Variants in TIGD3 observed in about 807,000 individuals in gnomAD.
The protein encoded by TIGD3 is tigger transposable element derived 3.
A neutral mutation model predicts 14.8 loss-of-function variants in TIGD3; 7 were observed. That is an observed-to-expected ratio of 0.47 (90% confidence interval 0.27 to 0.89). The LOEUF is 0.89. Among genes scored for constraint, TIGD3 ranks in the 40% least tolerant of loss-of-function variants. The probability of loss-of-function intolerance (pLI) is 0.13; values close to 1 mark genes in which losing one functional copy is unlikely to be tolerated. For missense variants in TIGD3, 581 were observed against 611.0 expected (o/e 0.95, Z 0.52); for synonymous variants, 243 against 269.4 (o/e 0.90, Z 0.96).
rs748478122 is a variant in TIGD3 at position 65,356,059 on chromosome 11, T to C, written c.251T>C (p.Leu84Pro). ...TACAGCGGGATCGACGAGGCTCTGC[T>C]CTGCTGGTACCACATTGCCCGGGCC... The part of the protein sequence containing the change: ...SKYSGIDEAL[L>P]CWYHIARAKA... The change falls in exon 2 of 2, where the codon CTC (leucine) becomes CCC (proline). Residue 84 changes from leucine (L) to proline (P), a missense_variant. Coordinates refer to ENST00000309880, the MANE Select transcript of TIGD3 (RefSeq NM_145719.3). This position sits in a 1 kb window ranked among gnomAD's most constrained non-coding sequence, Gnocchi z 5.2. 6.2e-7 allele frequency: 1 copy of C among 1,612,432 alleles called. No individual in the cohort carries two copies. Among genetic ancestry groups the C allele is most frequent in the Non-Finnish European group, 8.5e-7 (1 of 1,180,010 alleles).
chr11:65,355,879 T>C lies in TIGD3; in HGVS notation c.71T>C (p.Leu24Pro). The change falls in exon 2 of 2, where the codon CTG (leucine) becomes CCG (proline). Residue 24 changes from leucine to proline, a missense_variant. Transcript: ENST00000309880. ...LAEKIQVLEL[L>P]DESKMSQSEV... The stretch of plus-strand genomic sequence containing the variant: ...GAGAAGATCCAGGTGCTGGAACTCC[T>C]GGATGAGTCCAAGATGTCCCAGTCG... The C allele has an allele frequency of 6.2e-7, 1 of 1,613,938 alleles. No individual in the cohort carries two copies. The highest frequency in any genetic ancestry group is 8.5e-7 in the Non-Finnish European group (1 of 1,180,022).
Position 65,356,067 on chromosome 11 carries a change from TACC to T in TIGD3, c.262_264del (p.His88del). 6.2e-7 allele frequency: 1 copy of T among 1,612,264 alleles called. No individual in the cohort carries two copies. Among genetic ancestry groups the T allele is most frequent in the South Asian group, 1.1e-5 (1 of 91,082 alleles). On this transcript the variant is annotated inframe_deletion, in exon 2 of 2. Transcript: ENST00000309880. This position sits in a 1 kb window ranked among gnomAD's most constrained non-coding sequence, Gnocchi z 5.2. Reference sequence around the variant, plus strand: ...GATCGACGAGGCTCTGCTCTGCTGGTACCACATTGCCCGGGCCAAGGCCTGGGA... The same window carrying T: ...GATCGACGAGGCTCTGCTCTGCTGGTACATTGCCCGGGCCAAGGCCTGGGA...
rs1243540590 is a variant in TIGD3, at chr11:65,356,025, G to A, written c.217G>A (p.Glu73Lys). 8 of 1,613,530 alleles carry A rather than the reference G, an allele frequency of 5.0e-6. No individual in the cohort carries two copies. The highest frequency in any genetic ancestry group is 5.9e-6 in the Non-Finnish European group (7 of 1,180,042). Residue 73 changes from glutamate to lysine, a missense_variant, in exon 2 of 2, where the codon GAG (glutamate) becomes AAG (lysine). Coordinates refer to ENST00000309880, the MANE Select transcript of TIGD3 (RefSeq NM_145719.3). This position sits in a 1 kb window ranked among gnomAD's most constrained non-coding sequence, Gnocchi z 5.2. ...CAACCGAGAGCGCAAGCGCAAGCGG[G>A]AGTCCAAGTACAGCGGGATCGACGA... is the stretch of plus-strand genomic sequence containing the variant. ...TANRERKRKR[E>K]SKYSGIDEAL...
Position 65,356,798 on chromosome 11 carries a change from G to T in TIGD3, c.990G>T (p.Glu330Asp). The T allele has an allele frequency of 6.2e-7, 1 of 1,612,860 alleles. No homozygotes were observed. The highest frequency in any genetic ancestry group is 8.5e-7 in the Non-Finnish European group (1 of 1,179,848). Residue 330 changes from glutamate (E) to aspartate (D), a missense_variant, in exon 2 of 2, where the codon GAG becomes GAT. Physicochemically the swap from Glu to Asp is conservative, Grantham distance 45. Coordinates refer to ENST00000309880, the MANE Select transcript of TIGD3 (RefSeq NM_145719.3). The surrounding 1 kb of genome is among the most constrained non-coding windows in gnomAD (Gnocchi z 5.2). ...AGAGGGATGGCACCTCGCTGGCCGA[G>T]GCCGGGGCAGGCATCACCGTGCTGG... is the stretch of plus-strand genomic sequence containing the variant. The part of the protein sequence containing the change: ...QSERDGTSLA[E>D]AGAGITVLDA...
rs776179323 is a variant in TIGD3, at chr11:65,355,870, T to C, written c.62T>C (p.Leu21Pro). 13 of 1,613,784 alleles carry C rather than the reference T, an allele frequency of 8.1e-6. No homozygotes were observed. Among genetic ancestry groups the C allele is most frequent in the Non-Finnish European group, 9.3e-6 (11 of 1,180,034 alleles). Residue 21 changes from leucine (L) to proline (P), a missense_variant, in exon 2 of 2, where the codon CTG becomes CCG. Transcript: ENST00000309880. ...ALSLAEKIQV[L>P]ELLDESKMSQ... ...TCCCTGGCCGAGAAGATCCAGGTGC[T>C]GGAACTCCTGGATGAGTCCAAGATG...
Position 65,357,080 on chromosome 11 carries a change from CT to C in TIGD3, c.1275del (p.Phe425LeufsTer17), listed in dbSNP as rs767807225. The C allele has an allele frequency of 6.2e-7, 1 of 1,613,678 alleles. No homozygotes were observed. ...EDEKGDREGAFEPLPTKADAL... is the reference protein window; with the variant it reads ...EDEKGDREGAXEPLPTKADAL... ...ACGAGAAGGGGGACAGAGAGGGTGC[CT>C]TTGAGCCCCTGCCCACCAAAGCTGA... On this transcript the variant is annotated frameshift_variant, in exon 2 of 2. Transcript: ENST00000309880. LOFTEE classifies it high-confidence loss of function.
In TIGD3 at chr11:65,355,822, G is replaced by A. The variant is rs1430459570; in HGVS notation, c.14G>A (p.Ser5Asn). The A allele has an allele frequency of 1.9e-6, 3 of 1,612,112 alleles. No individual in the cohort carries two copies. The highest frequency in any genetic ancestry group is 2.5e-6 in the Non-Finnish European group (3 of 1,179,092). MELS[S>N]KKKLHALSLA... ...CCCGGAGAGGCCATGGAGCTGAGCA[G>A]CAAGAAGAAGCTTCACGCCCTGTCC... is the stretch of plus-strand genomic sequence containing the variant. Residue 5 changes from serine to asparagine, a missense_variant, in exon 2 of 2, where the codon AGC becomes AAC. By Grantham distance (46) the Ser-to-Asn change is conservative. Coordinates refer to ENST00000309880, the MANE Select transcript of TIGD3 (RefSeq NM_145719.3).
Position 65,357,430 on chromosome 11 carries a change from G to C in TIGD3, c.*206G>C. On this transcript the variant is annotated 3_prime_UTR_variant, in exon 2 of 2. Coordinates refer to ENST00000309880, the MANE Select transcript of TIGD3 (RefSeq NM_145719.3). ...AGAGAGCTCTAAAGATGGGGCTTCGGGGGTAGGAATCCAGGATGCTTAGTT... is the reference window on the plus strand; with the variant it reads ...AGAGAGCTCTAAAGATGGGGCTTCGCGGGTAGGAATCCAGGATGCTTAGTT... 1 of 574,730 alleles carries C rather than the reference G, an allele frequency of 1.7e-6. No individual in the cohort carries two copies. Among genetic ancestry groups the C allele is most frequent in the South Asian group, 2.1e-5 (1 of 46,882 alleles). The allele number at this position is 574,730 out of a possible 1,614,324, so 35.6% of individuals were successfully genotyped here.
chr11:65,355,764 T>A (rs1266944226), intron 1 of TIGD3, 29 bp from the exon 2 acceptor site: 1 of 1,555,524 alleles, frequency 6.4e-7, no homozygotes, highest in East Asian at 2.3e-5. Flanking sequence ...CAGATTACTC[T>A]ACCCGCTCAA....
rs977305800 is a variant in TIGD3, at chr11:65,357,278, G to A, written c.*54G>A. ...TTCCTCTCTTGTTTCCCATGGAAAC[G>A]GCCTCTTCAGAAGGCAGATCGGGCT... On this transcript the variant is annotated 3_prime_UTR_variant, in exon 2 of 2. Coordinates refer to ENST00000309880, the MANE Select transcript of TIGD3 (RefSeq NM_145719.3). 9 of 1,528,564 alleles carry A rather than the reference G, an allele frequency of 5.9e-6. No individual in the cohort carries two copies. Among genetic ancestry groups the A allele is most frequent in the East Asian group, 2.3e-5 (1 of 43,818 alleles). 94.7% of individuals were successfully genotyped at this position (1,528,564 alleles called of 1,614,324 possible).
At position 65,357,124 on chromosome 11, in the gene TIGD3, G is replaced by A. The variant is rs1413690412; in HGVS notation, c.1316G>A (p.Gly439Asp). 2 of 1,614,124 alleles carry A rather than the reference G, an allele frequency of 1.2e-6. No homozygotes were observed. Among genetic ancestry groups the A allele is most frequent in the East Asian group, 2.2e-5 (1 of 44,888 alleles). The change falls in exon 2 of 2, where the codon GGC becomes GAC. Residue 439 changes from glycine to aspartate, a missense_variant. Gly to Asp is a moderately conservative substitution (Grantham distance 94). Coordinates refer to ENST00000309880, the MANE Select transcript of TIGD3 (RefSeq NM_145719.3). ...AAAGCTGATGCCCTCCGGGCCCTGGGCACCTTGAGGAGGTGGTTTGAATGC... is the reference window on the plus strand; with the variant it reads ...AAAGCTGATGCCCTCCGGGCCCTGGACACCTTGAGGAGGTGGTTTGAATGC... ...PTKADALRAL[G>D]TLRRWFECNS...
chr11:65,354,991 G>T (rs1854826869), intron 1 of TIGD3, 34 bp downstream of exon 1: 1 of 151,306 alleles, frequency 6.6e-6, no homozygotes, highest in African/African-American at 2.4e-5. Flanking sequence ...GCGGGCGGGC[G>T]CCTGGGGCCG....
intron 1 of TIGD3, 123 bp from the exon 2 acceptor site, chr11:65,355,670 C>T: frequency 3.7e-6 from 3 of 814,550 alleles, no homozygotes; most frequent in South Asian, 1.9e-5. Context: ...CCTCTTTCAG[C>T]GGGTCCAGTC....
intron 1 of TIGD3, among the ~76,000 whole-genome samples, chr11:65,355,542 G>A (rs1392067629): frequency 6.6e-6 from 1 of 151,136 alleles, no homozygotes; most frequent in Non-Finnish European, 1.5e-5. Context: ...CTTCCCGAGT[G>A]AGGCCAGACC....
Position 65,355,897 on chromosome 11 carries a change from C to T in TIGD3, c.89C>T (p.Ser30Phe). 2.5e-6 allele frequency: 4 copies of T among 1,613,962 alleles called. No homozygotes were observed. The highest frequency in any genetic ancestry group is 3.4e-6 in the Non-Finnish European group (4 of 1,180,046). Residue 30 changes from serine to phenylalanine, a missense_variant, in exon 2 of 2, where the codon TCC (serine) becomes TTC (phenylalanine). Coordinates refer to ENST00000309880, the MANE Select transcript of TIGD3 (RefSeq NM_145719.3). ...VLELLDESKM[S>F]QSEVARRFQV... ...GAACTCCTGGATGAGTCCAAGATGTCCCAGTCGGAGGTGGCCCGGCGCTTC... is the reference window on the plus strand; with the variant it reads ...GAACTCCTGGATGAGTCCAAGATGTTCCAGTCGGAGGTGGCCCGGCGCTTC...
chr11:65,354,771 C>G lies in TIGD3; in HGVS notation c.-203C>G, dbSNP rs917160155. 1 of 150,902 alleles carries G rather than the reference C, an allele frequency of 6.6e-6. No homozygotes were observed. The highest frequency in any genetic ancestry group is 2.4e-5 in the African/African-American group (1 of 41,142). The allele number at this position is 150,902 out of a possible 1,614,324, so 9.3% of individuals were successfully genotyped here. A position where few individuals can be genotyped will look rare whatever the true frequency, so the allele number is the denominator to read the frequency against. ...ACTTCGCAGCCGGGAGAGAGCCCGG[C>G]GCGGGCGGCGCGCACGGGACTCTGC... On this transcript the variant is annotated 5_prime_UTR_variant, in exon 1 of 2. Coordinates refer to ENST00000309880, the MANE Select transcript of TIGD3 (RefSeq NM_145719.3).
Position 65,356,090 on chromosome 11 carries a change from C to T in TIGD3, c.282C>T (p.Ala94=). 6.2e-7 allele frequency: 1 copy of T among 1,611,676 alleles called. No homozygotes were observed. The highest frequency in any genetic ancestry group is 8.5e-7 in the Non-Finnish European group (1 of 1,180,024). Residue 94 remains alanine (A), a synonymous_variant, in exon 2 of 2, where the codon GCC becomes GCT. Transcript: ENST00000309880. The surrounding 1 kb of genome is among the most constrained non-coding windows in gnomAD (Gnocchi z 5.2). ...GGTACCACATTGCCCGGGCCAAGGC[C>T]TGGGACGTGACGGGGCCCATGCTGC... The part of the protein sequence containing the change: ...LCWYHIARAK[A]WDVTGPMLLH...
At chr11:65,355,697 C>A (rs1854839511) in intron 1 of TIGD3, 96 bp from the exon 2 acceptor site, 1 of 1,065,440 alleles carries the variant, frequency 9.4e-7, no homozygotes, top group African/African-American at 1.6e-5. Flanking sequence ...GGTGCCTGCG[C>A]AAGTCCTCAT....
chr11:65,356,894 A>G lies in TIGD3; in HGVS notation c.1086A>G (p.Gln362=). 6.2e-7 allele frequency: 1 copy of G among 1,613,914 alleles called. No homozygotes were observed. The highest frequency in any genetic ancestry group is 1.3e-5 in the African/African-American group (1 of 75,074). ...PPQLIFSSFI[Q]EGLAPGKTPP... ...AGCTCATTTTCAGCAGCTTCATTCA[A>G]GAAGGGCTGGCTCCCGGCAAAACGC... Residue 362 remains glutamine (Q), a synonymous_variant, in exon 2 of 2, where the codon CAA becomes CAG. Transcript: ENST00000309880. This position sits in a 1 kb window ranked among gnomAD's most constrained non-coding sequence, Gnocchi z 5.2.
Sources: allele counts gnomAD v4.1 joint callset (sites outside exome capture counted in the v4.1 genomes callset), GRCh38; gene constraint gnomAD v4.1.1; non-coding constraint Gnocchi (gnomAD v3.1); transcripts MANE v1.5; gene names NCBI Gene and HGNC (gene_info 2026-07-23, HGNC 2026-07-21).